SEC31A: variants seen among roughly 807,000 people sequenced by gnomAD.
The protein encoded by SEC31A is protein transport protein Sec31A.
Under a neutral mutation model 151.0 loss-of-function variants are expected in SEC31A, and 70 were observed. The observed-to-expected ratio is 0.46, with a 90% CI of 0.38 to 0.57. The LOEUF is 0.57. Among genes scored for constraint, SEC31A ranks in the 20% least tolerant of loss-of-function variants. The pLI is 0.00. For synonymous variants in SEC31A, 475 were observed against 505.9 expected, an observed-to-expected ratio of 0.94 and a Z score of 0.82; for missense variants, 1,330 against 1,471.2, an observed-to-expected ratio of 0.90 and a Z score of 1.57.
rs1000208811 is a variant in SEC31A at position 82,890,766 on chromosome 4, G to T, written c.-5+322C>A. ...GGGACCGCACCTCTTTGTGCACAAG[G>T]GTCTGAAAGTCTCCTAATCTCAAAC... On this transcript the variant is annotated intron_variant, in intron 1 of 26. Transcript: ENST00000395310. 2.1e-5 allele frequency: 26 copies of T among 1,225,848 alleles called. No individual in the cohort carries two copies. The African/African-American group carries it at 2.4e-4, about 11-fold the overall frequency. 75.9% of individuals were successfully genotyped at this position (1,225,848 alleles called of 1,614,324 possible).
intron 21 of SEC31A, chr4:82,842,688 C>T (rs902682322): frequency 1.4e-5 from 7 of 512,678 alleles, no homozygotes; most frequent in African/African-American, 3.9e-5. Context: ...TTGAAAAATG[C>T]CATCCCCAAA....
At chr4:82,879,641 T>G (rs1203236691) in intron 3 of SEC31A, among the ~76,000 whole-genome samples, 1 of 152,226 alleles carries the variant, frequency 6.6e-6, no homozygotes, top group African/African-American at 2.4e-5. Flanking sequence ...CATCCCACTG[T>G]GACAGCTCTG....
At chr4:82,870,212 C>T in intron 8 of SEC31A, 113 bp downstream of exon 8, 2 of 745,008 alleles carry the variant, frequency 2.7e-6, no homozygotes, top group Non-Finnish European at 4.5e-6. Flanking sequence ...CACACACGTC[C>T]ACATACTCTT....
At chr4:82,847,384 T>C (rs1730468614) in intron 20 of SEC31A, among the ~76,000 whole-genome samples, 1 of 152,270 alleles carries the variant, frequency 6.6e-6, no homozygotes, top group African/African-American at 2.4e-5. Flanking sequence ...TATTTACGAT[T>C]CACTTTGTCT....
Position 82,876,272 on chromosome 4 carries a change from G to A in SEC31A, c.403-450C>T, listed in dbSNP as rs867055767. Reference sequence around the variant, plus strand: ...ATTACAGGCATGCACCACCACTCCCGGCTAATTCTGTATTTTTAGTAGAGA... The same window carrying A: ...ATTACAGGCATGCACCACCACTCCCAGCTAATTCTGTATTTTTAGTAGAGA... On this transcript the variant is annotated intron_variant, in intron 4 of 26. Coordinates refer to ENST00000395310, the MANE Select transcript of SEC31A (RefSeq NM_001077207.4). Among the ~76,000 whole-genome samples the A allele has an allele frequency of 1.6e-4, 24 of 151,988 alleles. No individual in the cohort carries two copies. The Middle Eastern group carries it at 0.014, about 86-fold the overall frequency.
chr4:82,870,868 G>A (rs546613284), intron 7 of SEC31A, among the ~76,000 whole-genome samples: 47 of 152,072 alleles, frequency 3.1e-4, no homozygotes, highest in Non-Finnish European at 5.6e-4. Context: ...ATGCCCAACA[G>A]ACTATTTCAC....
upstream of SEC31A, chr4:82,895,858 C>T (rs894597568): frequency 2.6e-5 from 4 of 152,190 alleles, no homozygotes; most frequent in African/African-American, 9.7e-5. Context: ...CTATTATGTC[C>T]TCATCCACAT....
At chr4:82,890,077 A>C (rs1741951263) in intron 1 of SEC31A, among the ~76,000 whole-genome samples, 1 of 151,926 alleles carries the variant, frequency 6.6e-6, no homozygotes, top group Non-Finnish European at 1.5e-5. Context: ...AAAATACAAA[A>C]ATTAGACAGG....
rs1553926964 is a variant in SEC31A, at chr4:82,841,467, T to TAC, written c.2968+671_2968+672dup. ...TTATATATATATATATATATATATA[T>TAC]ACACACACACTAAAAATACAAAAAT... On this transcript the variant is annotated intron_variant, in intron 22 of 26. Transcript: ENST00000395310. Among the ~76,000 whole-genome samples the TAC allele has an allele frequency of 7.8e-4, 81 of 103,434 alleles. 2 individuals carry two copies. Among genetic ancestry groups the TAC allele is most frequent in the African/African-American group, 2.5e-3 (72 of 29,288 alleles). The allele number at this position is 103,434 out of a possible 152,430, so 67.9% of individuals were successfully genotyped here.
rs750541907 is a variant in SEC31A at position 82,861,717 on chromosome 4, C to T, written c.1549-9G>A. On this transcript the variant is annotated splice_polypyrimidine_tract_variant and intron_variant, in intron 13 of 26. Coordinates refer to ENST00000395310, the MANE Select transcript of SEC31A (RefSeq NM_001077207.4). ...TCAGAGTCTTTAAGAGCCTTTGGTA[C>T]ACAAAACAATTACAGGGGAAGGTGA... The T allele has an allele frequency of 6.3e-7, 1 of 1,591,282 alleles. No homozygotes were observed. Among genetic ancestry groups the T allele is most frequent in the Non-Finnish European group, 8.6e-7 (1 of 1,162,768 alleles).
rs572064271 is a variant in SEC31A, at chr4:82,818,892, A to G, written c.*182T>C. On this transcript the variant is annotated 3_prime_UTR_variant, in exon 27 of 27. Coordinates refer to ENST00000395310, the MANE Select transcript of SEC31A (RefSeq NM_001077207.4). ...TCACTGGCAACAAAAGATTAAAACA[A>G]AAATAAAGCACCAGGGTTCTGAGCA... 2 of 410,882 alleles carry G rather than the reference A, an allele frequency of 4.9e-6. No individual in the cohort carries two copies. Among genetic ancestry groups the G allele is most frequent in the African/African-American group, 2.0e-5 (1 of 49,052 alleles). 25.5% of individuals were successfully genotyped at this position (410,882 alleles called of 1,614,324 possible).
chr4:82,842,653 C>T, intron 21 of SEC31A, 172 bp from the exon 22 acceptor site: 1 of 585,174 alleles, frequency 1.7e-6, no homozygotes, highest in Non-Finnish European at 3.0e-6. Context: ...GCCCCAAATA[C>T]ACTTGAATTC....
At chr4:82,837,174 TA>T (rs1727530553) in intron 22 of SEC31A, among the ~76,000 whole-genome samples, 2 of 48,710 alleles carry the variant, frequency 4.1e-5, no homozygotes, top group Non-Finnish European at 1.3e-4. Flanking sequence ...TATATATATA[TA>T]TATATATATA....
At chr4:82,844,353 G>C in intron 21 of SEC31A, 33 bp downstream of exon 21, 1 of 1,605,126 alleles carries the variant, frequency 6.2e-7, no homozygotes, top group Non-Finnish European at 8.5e-7. Flanking sequence ...CATAAATACT[G>C]CTCTGAAAGG....
intron 24 of SEC31A, among the ~76,000 whole-genome samples, 182 bp from the exon 25 acceptor site, chr4:82,824,856 C>T (rs896941294): frequency 2.6e-5 from 4 of 152,004 alleles, no homozygotes; most frequent in African/African-American, 9.7e-5. Context: ...ATATCTAGTA[C>T]AAAGTGTAGG....
chr4:82,883,015 G>C (rs1297443480), intron 1 of SEC31A, among the ~76,000 whole-genome samples: 3 of 152,188 alleles, frequency 2.0e-5, no homozygotes, highest in Admixed American at 6.5e-5. Context: ...AGCTATTTGG[G>C]AGGCTGAAGC....
At chr4:82,898,526 T>C (rs564142660) in intron 3 of SEC31A, among the ~76,000 whole-genome samples, 107 of 152,356 alleles carry the variant, frequency 7.0e-4, no homozygotes, top group African/African-American at 2.5e-3. Flanking sequence ...GTCAGAATAA[T>C]GTAGGAAGCA....
intron 21 of SEC31A, among the ~76,000 whole-genome samples, chr4:82,843,531 A>T (rs1729380163): frequency 6.6e-6 from 1 of 152,162 alleles, no homozygotes; most frequent in Admixed American, 6.5e-5. Context: ...GTAAAAGTGG[A>T]TCTGTTTCCT....
intron 22 of SEC31A, among the ~76,000 whole-genome samples, chr4:82,832,316 C>T (rs915377865): frequency 2.0e-5 from 3 of 152,090 alleles, no homozygotes; most frequent in Non-Finnish European, 2.9e-5. Context: ...GAAAAGATTC[C>T]CTATTTAATA....
Sources: allele counts gnomAD v4.1 joint callset (sites outside exome capture counted in the v4.1 genomes callset), GRCh38; gene constraint gnomAD v4.1.1; transcripts MANE v1.5; gene names NCBI Gene and HGNC (gene_info 2026-07-23, HGNC 2026-07-21).